The following MTUS1 variants were observed in gnomAD, a reference collection of about 807,000 sequenced individuals.
MTUS1 encodes the protein microtubule-associated tumor suppressor 1.
Under a neutral mutation model 120.8 loss-of-function variants are expected in MTUS1, and 109 were observed. The observed-to-expected ratio is 0.90, with a 90% CI of 0.77 to 1.06. MTUS1 has a LOEUF of 1.06. MTUS1 is among the 50% of genes least tolerant of loss of function. The pLI, the probability that MTUS1 is intolerant of heterozygous loss-of-function variation, is 0.00. For missense variants in MTUS1, 2,210 were observed against 1,486.3 expected (o/e 1.49, Z -8.01); for synonymous variants, 737 against 550.5 (o/e 1.34, Z -4.74).
chr8:17,723,464 G>A, intron 4 of MTUS1: 1 of 619,080 alleles, frequency 1.6e-6, no homozygotes, highest in Non-Finnish European at 2.9e-6. Context: ...AATCCTTCAT[G>A]CAAAAATATA....
intron 8 of MTUS1, among the ~76,000 whole-genome samples, chr8:17,666,676 A>T (rs1585528006): frequency 6.6e-6 from 1 of 152,126 alleles, no homozygotes; most frequent in African/African-American, 2.4e-5. Context: ...GATATTGCTA[A>T]TAAGGAAGAA....
chr8:17,744,567 C>A (rs999960221), intron 2 of MTUS1, among the ~76,000 whole-genome samples: 5 of 151,936 alleles, frequency 3.3e-5, no homozygotes, highest in Non-Finnish European at 7.4e-5. Context: ...ATTACGGGTG[C>A]ACACCACCAT....
At chr8:17,680,232 G>A (rs1814073937) in intron 7 of MTUS1, among the ~76,000 whole-genome samples, 1 of 152,030 alleles carries the variant, frequency 6.6e-6, no homozygotes, top group Non-Finnish European at 1.5e-5. Context: ...GGAAGGCCGA[G>A]GCAGGTGGAT....
rs1266259202 is a variant in MTUS1 at position 17,721,985 on chromosome 8, C to T, written c.2449+1687G>A. The T allele has an allele frequency of 1.3e-5, 18 of 1,375,340 alleles. No individual in the cohort carries two copies. The East Asian group carries it at 2.9e-4, about 22-fold the overall frequency. The allele number at this position is 1,375,340 out of a possible 1,614,324, so 85.2% of individuals were successfully genotyped here. A position where few individuals can be genotyped will look rare whatever the true frequency, so the allele number is the denominator to read the frequency against. On this transcript the variant is annotated intron_variant, in intron 4 of 14. Transcript: ENST00000693296. ...CCCTCATGCTTGCTCTTAGTGAATT[C>T]GAATGGAGGGAAAAAAAAAAAAATG...
chr8:17,764,543 G>C (rs571991213), intron 1 of MTUS1, among the ~76,000 whole-genome samples: 197 of 152,224 alleles, frequency 1.3e-3, no homozygotes, highest in African/African-American at 4.2e-3. Context: ...CCCCAGGTCT[G>C]CTTCTTTTAA....
intron 1 of MTUS1, among the ~76,000 whole-genome samples, chr8:17,777,122 C>A (rs2050505788): frequency 6.6e-6 from 1 of 152,082 alleles, no homozygotes; most frequent in South Asian, 2.1e-4. Flanking sequence ...AATTTTCCCA[C>A]CCCCAGCATT....
chr8:17,752,087 A>G (rs1734385107), intron 2 of MTUS1, among the ~76,000 whole-genome samples: 2 of 152,158 alleles, frequency 1.3e-5, no homozygotes, highest in Non-Finnish European at 2.9e-5. Flanking sequence ...TCAGTACCAC[A>G]TCGGGAGCCT....
chr8:17,654,325 T>A (rs998374004), intron 10 of MTUS1: 3 of 529,882 alleles, frequency 5.7e-6, no homozygotes, highest in African/African-American at 3.8e-5. Flanking sequence ...GCCTTTACAG[T>A]CTTCCAAAGC....
chr8:17,745,628 AC>A (rs2047685095), intron 2 of MTUS1, among the ~76,000 whole-genome samples: 1 of 152,198 alleles, frequency 6.6e-6, no homozygotes, highest in Admixed American at 6.5e-5. Flanking sequence ...GTGAGAGTGT[AC>A]TCAAGATCAC....
At chr8:17,720,355 AAAAC>A (rs1294285389) in intron 4 of MTUS1, among the ~76,000 whole-genome samples, 1 of 151,754 alleles carries the variant, frequency 6.6e-6, no homozygotes, top group Non-Finnish European at 1.5e-5. Flanking sequence ...AAAAAAAAAA[AAAAC>A]AAAAAACAAA....
chr8:17,764,764 C>T (rs767316589), intron 1 of MTUS1, among the ~76,000 whole-genome samples: 3 of 152,208 alleles, frequency 2.0e-5, no homozygotes, highest in Admixed American at 1.3e-4. Flanking sequence ...GGCAGTGGGC[C>T]AGACTTGGCC....
chr8:17,747,614 T>C (rs2047867961), intron 2 of MTUS1, among the ~76,000 whole-genome samples: 1 of 152,180 alleles, frequency 6.6e-6, no homozygotes, highest in Non-Finnish European at 1.5e-5. Flanking sequence ...TTCTGAATAA[T>C]GTCTTTTTAC....
At chr8:17,692,390 G>A (rs1429204991) in intron 6 of MTUS1, among the ~76,000 whole-genome samples, 1 of 151,798 alleles carries the variant, frequency 6.6e-6, no homozygotes. Flanking sequence ...ATGAGGACAC[G>A]GCTAAGAAGA....
intron 4 of MTUS1, among the ~76,000 whole-genome samples, chr8:17,716,948 T>A (rs530611368): frequency 6.6e-6 from 1 of 152,214 alleles, no homozygotes; most frequent in Non-Finnish European, 1.5e-5. Flanking sequence ...CCAACTATGA[T>A]CCCTTTTCTC....
At chr8:17,799,303 T>C (rs1439854458) in intron 1 of MTUS1, among the ~76,000 whole-genome samples, 2 of 152,150 alleles carry the variant, frequency 1.3e-5, no homozygotes, top group Non-Finnish European at 2.9e-5. Context: ...TAATATTAAG[T>C]AGCCACTAAG....
intron 2 of MTUS1, among the ~76,000 whole-genome samples, chr8:17,749,419 G>A (rs2048014607): frequency 6.6e-6 from 1 of 151,988 alleles, no homozygotes; most frequent in African/African-American, 2.4e-5. Context: ...AGCACTTTGA[G>A]AAGCCGAGGT....
At chr8:17,779,695 A>G (rs1192302160) in intron 1 of MTUS1, among the ~76,000 whole-genome samples, 1 of 151,920 alleles carries the variant, frequency 6.6e-6, no homozygotes, top group Non-Finnish European at 1.5e-5. Context: ...CAGAGGCCCT[A>G]CTCTATCTTG....
chr8:17,772,829 A>C (rs745588399), intron 1 of MTUS1, among the ~76,000 whole-genome samples: 3 of 152,190 alleles, frequency 2.0e-5, no homozygotes, highest in Non-Finnish European at 4.4e-5. Context: ...AAAACACACA[A>C]AGGAATAAAA....
Position 17,743,618 on chromosome 8 carries a change from C to G in MTUS1, c.2273G>C (p.Arg758Pro), listed in dbSNP as rs766681365. 6.2e-7 allele frequency: 1 copy of G among 1,613,916 alleles called. No homozygotes were observed. Among genetic ancestry groups the G allele is most frequent in the Non-Finnish European group, 8.5e-7 (1 of 1,179,904 alleles). The change falls in exon 3 of 15, where the codon CGT becomes CCT. Residue 758 changes from arginine (R) to proline (P), a missense_variant. Arg to Pro is a moderately radical substitution (Grantham distance 103). Coordinates refer to ENST00000693296, the MANE Select transcript of MTUS1 (RefSeq NM_001363059.2). ...TTTATTCTTACCAGAACTGGACACA[C>G]GCCTGATCCTCTGAGGAGATACGGC... ...DRAVSPQRIR[R>P]VSSSGKPTSL... is the part of the protein sequence containing the mutation.
Sources: allele counts gnomAD v4.1 joint callset (sites outside exome capture counted in the v4.1 genomes callset), GRCh38; gene constraint gnomAD v4.1.1; transcripts MANE v1.5; gene names NCBI Gene and HGNC (gene_info 2026-07-23, HGNC 2026-07-21).